TFCP2L1: variants seen among roughly 807,000 people sequenced by gnomAD.
TFCP2L1 encodes transcription factor CP2-like protein 1.
TFCP2L1 carries 12 observed loss-of-function variants against 72.2 expected under a neutral mutation model. That is an observed-to-expected ratio of 0.17 (90% CI 0.11 to 0.27). The LOEUF (loss-of-function observed/expected upper bound fraction) is 0.27, where lower values mean the gene tolerates loss of function less well. Among genes scored for constraint, TFCP2L1 ranks in the 10% least tolerant of loss-of-function variants. The pLI is 1.00. For synonymous variants in TFCP2L1, 260 were observed against 251.0 expected, an observed-to-expected ratio of 1.04 and a Z score of -0.34; for missense variants, 488 against 624.6, an observed-to-expected ratio of 0.78 and a Z score of 2.33.
intron 2 of TFCP2L1, among the ~76,000 whole-genome samples, chr2:121,264,067 G>A (rs1352027439): frequency 6.6e-6 from 1 of 152,202 alleles, no homozygotes; most frequent in African/African-American, 2.4e-5. Context: ...AGGCACCTCT[G>A]CTCCAAGCCC....
At chr2:121,255,537 T>C (rs1286176670) in intron 2 of TFCP2L1, among the ~76,000 whole-genome samples, 1 of 152,236 alleles carries the variant, frequency 6.6e-6, no homozygotes, top group Non-Finnish European at 1.5e-5. Flanking sequence ...TGTTTCCCTA[T>C]GTTATAAACG....
chr2:121,229,431 G>T (rs1686097091), intron 13 of TFCP2L1, among the ~76,000 whole-genome samples: 1 of 152,146 alleles, frequency 6.6e-6, no homozygotes. Flanking sequence ...GAAAGACAGG[G>T]AACATCCATC....
At chr2:121,264,593 C>T (rs542018785) in intron 2 of TFCP2L1, among the ~76,000 whole-genome samples, 88 of 152,306 alleles carry the variant, frequency 5.8e-4, no homozygotes, top group African/African-American at 1.9e-3. Flanking sequence ...GCTTTGGTGG[C>T]CTTGCTGTCT....
chr2:121,237,837 T>A lies in TFCP2L1; in HGVS notation c.874A>T (p.Thr292Ser). 1 of 1,613,942 alleles carries A rather than the reference T, an allele frequency of 6.2e-7. No homozygotes were observed. The highest frequency in any genetic ancestry group is 1.1e-5 in the South Asian group (1 of 91,070). ...FGLGEGNASP[T>S]HPVEALPVGS... ...ACGGGCAGGGCCTCCACCGGGTGGG[T>A]CGGAGAGGCGTTGCTGCAAGGAAAA... is the stretch of plus-strand genomic sequence containing the variant. The change falls in exon 9 of 15, where the codon ACC (threonine) becomes TCC (serine). Residue 292 changes from threonine (T) to serine (S), a missense_variant. By Grantham distance (58) the Thr-to-Ser change is moderately conservative. Around this residue, in one of 3 missense-constraint regions of TFCP2L1, gnomAD observed 286 missense variants for 329.0 expected, o/e 0.87. Coordinates refer to ENST00000263707, the MANE Select transcript of TFCP2L1 (RefSeq NM_014553.3).
intron 2 of TFCP2L1, among the ~76,000 whole-genome samples, chr2:121,261,942 T>C (rs1315266417): frequency 2.0e-5 from 3 of 152,182 alleles, no homozygotes; most frequent in Non-Finnish European, 4.4e-5. Context: ...ACTTCAGTAG[T>C]AGTCTTGCCA....
At chr2:121,283,387 A>G (rs1687303075) in intron 1 of TFCP2L1, among the ~76,000 whole-genome samples, 1 of 152,186 alleles carries the variant, frequency 6.6e-6, no homozygotes, top group Non-Finnish European at 1.5e-5. Flanking sequence ...ATATGCACAA[A>G]CCGCCACCTT....
At chr2:121,245,280 A>C (rs1233922074) in intron 6 of TFCP2L1, among the ~76,000 whole-genome samples, 1 of 152,150 alleles carries the variant, frequency 6.6e-6, no homozygotes, top group Non-Finnish European at 1.5e-5. Flanking sequence ...AATAGGCAAG[A>C]GCCCCGCCCA....
At chr2:121,227,103 GA>G (rs886064511) in intron 13 of TFCP2L1, among the ~76,000 whole-genome samples, 1 of 152,150 alleles carries the variant, frequency 6.6e-6, no homozygotes, top group African/African-American at 2.4e-5. Flanking sequence ...TGAAATGAAA[GA>G]AATCACAGAA....
Position 121,237,705 on chromosome 2 carries a change from T to C in TFCP2L1, c.921A>G (p.Pro307=), listed in dbSNP as rs1249343092. The C allele has an allele frequency of 6.2e-7, 1 of 1,614,148 alleles. No individual in the cohort carries two copies. The highest frequency in any genetic ancestry group is 8.5e-7 in the Non-Finnish European group (1 of 1,180,026). Residue 307 remains proline (P), a synonymous_variant, in exon 10 of 15, where the codon CCA becomes CCG. Transcript: ENST00000263707. The part of the protein sequence containing the change: ...ALPVGSDHLL[P]SASIQDAQQW... ...GCTGGGCATCCTGGATCGAAGCTGA[T>C]GGGAGCAGGTGCTGTGAGCAGAGGG... is the stretch of plus-strand genomic sequence containing the variant.
intron 13 of TFCP2L1, among the ~76,000 whole-genome samples, chr2:121,230,809 C>T (rs578028390): frequency 6.6e-6 from 1 of 152,098 alleles, no homozygotes; most frequent in South Asian, 2.1e-4. Context: ...GGCATGGTGG[C>T]TCACACCTAT....
intron 12 of TFCP2L1, 135 bp downstream of exon 12, chr2:121,233,956 T>C: frequency 1.3e-6 from 1 of 780,298 alleles, no homozygotes. Context: ...AGGCTGCCCT[T>C]TCCACGTGTG....
intron 2 of TFCP2L1, among the ~76,000 whole-genome samples, chr2:121,253,970 A>C (rs1686661296): frequency 1.3e-5 from 2 of 152,172 alleles, no homozygotes; most frequent in Non-Finnish European, 2.9e-5. Context: ...GCCACGCAGA[A>C]GGCCACCACC....
intron 14 of TFCP2L1, 142 bp from the exon 15 acceptor site, chr2:121,224,529 A>G (rs775521997): frequency 6.7e-6 from 5 of 751,420 alleles, no homozygotes; most frequent in African/African-American, 1.7e-5. Flanking sequence ...TGCTGGCAGA[A>G]GCAGGGATCT....
Position 121,264,870 on chromosome 2 carries a change from G to C in TFCP2L1, c.215-15223C>G, listed in dbSNP as rs72963328. On this transcript the variant is annotated intron_variant, in intron 2 of 14. Coordinates refer to ENST00000263707, the MANE Select transcript of TFCP2L1 (RefSeq NM_014553.3). ...ACAAGTGCTGGCCGGGGAGAAGCTG[G>C]ATCCCTCCTGTATTGCTGGTAACAA... Among the ~76,000 whole-genome samples, 1,074 of 152,286 alleles carry C rather than the reference G, an allele frequency of 7.1e-3. 14 individuals carry two copies. Among genetic ancestry groups the C allele is most frequent in the African/African-American group, 0.024 (1,013 of 41,552 alleles).
At chr2:121,241,471 T>C (rs777884171) in intron 7 of TFCP2L1, among the ~76,000 whole-genome samples, 31 of 151,420 alleles carry the variant, frequency 2.0e-4, no homozygotes, top group Non-Finnish European at 4.0e-4. Context: ...CACTCCAGCC[T>C]AGGCAACAGA....
chr2:121,278,601 G>A (rs544409202), intron 2 of TFCP2L1, among the ~76,000 whole-genome samples: 71 of 151,284 alleles, frequency 4.7e-4, no homozygotes, highest in Non-Finnish European at 8.4e-4. Flanking sequence ...CAGGACAATC[G>A]CTTGAACCCA....
At chr2:121,282,627 A>G (rs545760901) in intron 1 of TFCP2L1, among the ~76,000 whole-genome samples, 1 of 152,306 alleles carries the variant, frequency 6.6e-6, no homozygotes, top group Admixed American at 6.5e-5. Flanking sequence ...CAGGCAGGCA[A>G]GGCTTGTGTA....
At chr2:121,245,421 T>G (rs1053139282) in intron 6 of TFCP2L1, among the ~76,000 whole-genome samples, 1 of 152,220 alleles carries the variant, frequency 6.6e-6, no homozygotes, top group Admixed American at 6.5e-5. Context: ...TGGCCATTTG[T>G]GACAGCAGCA....
intron 14 of TFCP2L1, among the ~76,000 whole-genome samples, chr2:121,224,758 G>A (rs768030100): frequency 3.9e-5 from 6 of 152,110 alleles, no homozygotes; most frequent in Admixed American, 3.3e-4. Flanking sequence ...CAAGGCAGGC[G>A]GATCTCGAGG....
Sources: gnomAD v4.1 joint callset for allele counts (sites outside exome capture counted in the v4.1 genomes callset) on GRCh38, gnomAD v4.1.1 for gene constraint, gnomAD v4.1.1 regional missense constraint, MANE v1.5 for transcripts, NCBI Gene and HGNC (gene_info 2026-07-23, HGNC 2026-07-21) for gene names.